The following MACROD1 variants were observed in gnomAD, a reference collection of about 807,000 sequenced individuals.
The protein encoded by MACROD1 is mono-ADP ribosylhydrolase 1.
Under a neutral mutation model 41.4 loss-of-function variants are expected in MACROD1, and 31 were observed. The ratio of observed to expected loss-of-function variants is 0.75; its 90% CI spans 0.56 to 1.01. The LOEUF (loss-of-function observed/expected upper bound fraction) is 1.01. MACROD1 is among the 50% of genes least tolerant of loss of function. The pLI is 0.00. For synonymous variants in MACROD1, 252 were observed against 203.4 expected (o/e 1.24, Z -2.03); for missense variants, 473 against 460.0 (o/e 1.03, Z -0.26).
At chr11:64,065,011 C>T (rs1431255981) in intron 3 of MACROD1, among the ~76,000 whole-genome samples, 1 of 152,176 alleles carries the variant, frequency 6.6e-6, no homozygotes, top group Non-Finnish European at 1.5e-5. Flanking sequence ...AAGCCAGAGG[C>T]GGGCAATGCT....
intron 3 of MACROD1, chr11:64,119,204 A>G: frequency 6.0e-6 from 1 of 166,604 alleles, no homozygotes. Context: ...GAGTAAGTAG[A>G]CCGTGTGTTG....
rs533939914 is a variant in MACROD1 at position 64,157,800 on chromosome 11, G to C, written c.299-5407C>G. Among the ~76,000 whole-genome samples, 6 of 152,344 alleles carry C rather than the reference G, an allele frequency of 3.9e-5. 1 individual carries two copies. The highest frequency in any genetic ancestry group is 1.3e-4 in the Admixed American group (2 of 15,302). Reference sequence around the variant, plus strand: ...ACCAAGGCAGGGCTCCTCTCAGAGAGAATGCCAGGTGGGCAGGGCTGATAA... The same window carrying C: ...ACCAAGGCAGGGCTCCTCTCAGAGACAATGCCAGGTGGGCAGGGCTGATAA... On this transcript the variant is annotated intron_variant, in intron 1 of 10. Coordinates refer to ENST00000255681, the MANE Select transcript of MACROD1 (RefSeq NM_014067.4).
At chr11:64,043,734 G>A (rs946728659) in intron 3 of MACROD1, among the ~76,000 whole-genome samples, 4 of 152,042 alleles carry the variant, frequency 2.6e-5, no homozygotes, top group Non-Finnish European at 4.4e-5. Flanking sequence ...CTTCACAACA[G>A]CCCCATTGCA....
At chr11:64,086,334 G>T (rs1196713126) in intron 3 of MACROD1, among the ~76,000 whole-genome samples, 1 of 152,080 alleles carries the variant, frequency 6.6e-6, no homozygotes, top group African/African-American at 2.4e-5. Flanking sequence ...GGGGTGTGCA[G>T]TTCTAAGACC....
At chr11:64,023,177 C>T (rs764868218) in intron 3 of MACROD1, among the ~76,000 whole-genome samples, 30 of 152,230 alleles carry the variant, frequency 2.0e-4, no homozygotes, top group Non-Finnish European at 4.1e-4. Flanking sequence ...GGATCTTTGA[C>T]CATCATCTTT....
chr11:64,007,901 C>G (rs1942939806), intron 4 of MACROD1, among the ~76,000 whole-genome samples: 1 of 152,204 alleles, frequency 6.6e-6, no homozygotes, highest in Non-Finnish European at 1.5e-5. Flanking sequence ...TCCAGAGGGC[C>G]GAGGCTGGCC....
intron 3 of MACROD1, among the ~76,000 whole-genome samples, chr11:64,133,318 T>C (rs1365039406): frequency 6.6e-6 from 1 of 152,156 alleles, no homozygotes; most frequent in East Asian, 1.9e-4. Flanking sequence ...GGGCACAGGA[T>C]AGGCCAGGCT....
intron 3 of MACROD1, among the ~76,000 whole-genome samples, chr11:64,047,262 C>A (rs551049534): frequency 2.0e-4 from 30 of 152,304 alleles, no homozygotes; most frequent in African/African-American, 6.3e-4. Context: ...TCCCAGCAAG[C>A]CTTCCTGGCC....
In MACROD1 at chr11:64,156,108, CA is replaced by C. The variant is rs781677528; in HGVS notation, c.299-3716del. 7.7e-3 allele frequency among the ~76,000 whole-genome samples: 436 copies of C among 56,934 alleles called. 2 individuals are homozygous for C. Among genetic ancestry groups the C allele is most frequent in the South Asian group, 0.043 (80 of 1,864 alleles). 37.4% of individuals were successfully genotyped at this position (56,934 alleles called of 152,430 possible). ...GGGCAACAAGAGCAAAACTCCATCT[CA>C]AAAAAAAAAAAAAAAAAAAAATCAG... On this transcript the variant is annotated intron_variant, in intron 1 of 10. Transcript: ENST00000255681.
At chr11:64,069,178 G>A (rs1025449940) in intron 3 of MACROD1, among the ~76,000 whole-genome samples, 7 of 152,226 alleles carry the variant, frequency 4.6e-5, no homozygotes, top group South Asian at 2.1e-4. Context: ...GAGGTGCGGG[G>A]AGCAGAGCAG....
At chr11:64,047,428 C>A (rs1287566428) in intron 3 of MACROD1, among the ~76,000 whole-genome samples, 1 of 152,146 alleles carries the variant, frequency 6.6e-6, no homozygotes, top group African/African-American at 2.4e-5. Context: ...CATGGGGTCC[C>A]TGTCCTGTTC....
intron 3 of MACROD1, among the ~76,000 whole-genome samples, chr11:64,031,013 C>T (rs577297954): frequency 6.6e-6 from 1 of 151,964 alleles, no homozygotes; most frequent in Non-Finnish European, 1.5e-5. Context: ...CGGAAGGGTG[C>T]AGAGAAGTAA....
Position 64,090,701 on chromosome 11 carries a change from A to G in MACROD1, c.517+60538T>C, listed in dbSNP as rs1944473921. On this transcript the variant is annotated intron_variant, in intron 3 of 10. Transcript: ENST00000255681. This position sits in a 1 kb window ranked among gnomAD's most constrained non-coding sequence, Gnocchi z 4.7. The stretch of plus-strand genomic sequence containing the variant: ...TTCTCTGAGGCGGGGACGTCCCAAG[A>G]CTAAAATGGGGGCAGGGGTGGCAGC... 6.6e-6 allele frequency among the ~76,000 whole-genome samples: 1 copy of G among 151,906 alleles called. No homozygotes were observed. The highest frequency in any genetic ancestry group is 1.5e-5 in the Non-Finnish European group (1 of 67,976).
intron 1 of MACROD1, among the ~76,000 whole-genome samples, chr11:64,152,743 T>G (rs1231656705): frequency 6.6e-6 from 1 of 152,198 alleles, no homozygotes; most frequent in Non-Finnish European, 1.5e-5. Context: ...AGACGTCCCC[T>G]GCAGAACAGC....
At chr11:64,016,922 A>C (rs1000224555) in intron 3 of MACROD1, among the ~76,000 whole-genome samples, 26 of 152,094 alleles carry the variant, frequency 1.7e-4, no homozygotes, top group South Asian at 1.0e-3. Context: ...CGGGCCCCCC[A>C]GTGACTCTGG....
At position 63,999,637 on chromosome 11, in the gene MACROD1, C is replaced by G; in HGVS notation, c.786+5G>C. ...TCCCGCCCTCCCCCGCGGGCCGTCC[C>G]TCACCACCGAGCGGAGCCGGTGCTC... is the stretch of plus-strand genomic sequence containing the variant. On this transcript the variant is annotated splice_donor_5th_base_variant and intron_variant, in intron 6 of 10. Coordinates refer to ENST00000255681, the MANE Select transcript of MACROD1 (RefSeq NM_014067.4). 6.2e-7 allele frequency: 1 copy of G among 1,609,814 alleles called. No homozygotes were observed. Among genetic ancestry groups the G allele is most frequent in the Non-Finnish European group, 8.5e-7 (1 of 1,179,008 alleles).
chr11:64,031,646 T>C (rs1308325762), intron 3 of MACROD1, among the ~76,000 whole-genome samples: 1 of 152,042 alleles, frequency 6.6e-6, no homozygotes, highest in African/African-American at 2.4e-5. Context: ...GCCAGCTAAT[T>C]TTTGTATTTT....
chr11:64,038,113 C>A (rs1045745270), intron 3 of MACROD1, among the ~76,000 whole-genome samples: 10 of 152,166 alleles, frequency 6.6e-5, no homozygotes, highest in African/African-American at 2.4e-4. Flanking sequence ...TCCCCATCTC[C>A]GAGGCCTCCC....
intron 3 of MACROD1, among the ~76,000 whole-genome samples, chr11:64,145,752 G>C (rs1207994976): frequency 6.6e-6 from 1 of 152,192 alleles, no homozygotes; most frequent in East Asian, 1.9e-4. Flanking sequence ...CCCTGGGTTG[G>C]CCAAGAATGG....
Sources: allele counts gnomAD v4.1 joint callset (sites outside exome capture counted in the v4.1 genomes callset), GRCh38; gene constraint gnomAD v4.1.1; non-coding constraint Gnocchi (gnomAD v3.1); transcripts MANE v1.5; gene names NCBI Gene and HGNC (gene_info 2026-07-23, HGNC 2026-07-21).